DYNC2LI1: variants seen among roughly 807,000 people sequenced by gnomAD.
DYNC2LI1 encodes the protein cytoplasmic dynein 2 light intermediate chain 1.
In DYNC2LI1, 45 loss-of-function variants were observed where a neutral mutation model predicts 51.9. The observed-to-expected ratio is 0.87, with a 90% CI of 0.68 to 1.11. DYNC2LI1 has a LOEUF of 1.11. DYNC2LI1 is among the 50% of genes most tolerant of loss of function. The pLI is 0.00. For missense variants in DYNC2LI1, 490 were observed against 417.4 expected (o/e 1.17, Z -1.51); for synonymous variants, 130 against 137.8 (o/e 0.94, Z 0.40).
chr2:43,817,637 C>T, the DYNC2LI1 span, among the ~76,000 whole-genome samples: 70 of 151,078 alleles, frequency 4.6e-4, no homozygotes, highest in Middle Eastern at 3.3e-3. Context: ...AGGCCAGACG[C>T]GGTGGCTCAC....
intron 2 of DYNC2LI1, among the ~76,000 whole-genome samples, chr2:43,781,089 A>G (rs80212642): frequency 0.047 from 7,216 of 152,246 alleles, 327 homozygotes; most frequent in African/African-American, 0.11. Context: ...ATTTAAGGCC[A>G]GGCGTGGTGG....
Position 43,795,972 on chromosome 2 carries a change from C to T in DYNC2LI1, c.576+14C>T. On this transcript the variant is annotated intron_variant, in intron 7 of 12. Coordinates refer to ENST00000260605, the MANE Select transcript of DYNC2LI1 (RefSeq NM_016008.4). ...GATGTTTTTCAGGTAAGCTCTTCCG[C>T]TTCTAGCTGAGTTTGTTGTACATAT... 1.2e-6 allele frequency: 2 copies of T among 1,603,728 alleles called. No homozygotes were observed. Among genetic ancestry groups the T allele is most frequent in the Non-Finnish European group, 1.7e-6 (2 of 1,170,934 alleles).
At chr2:43,824,079 C>G in the DYNC2LI1 span, 2 of 1,614,112 alleles carry the variant, frequency 1.2e-6, no homozygotes, top group Non-Finnish European at 1.7e-6. Flanking sequence ...GACGCGTAAT[C>G]ACTGCCAGCT....
At chr2:43,822,898 C>T in the DYNC2LI1 span, 1 of 1,614,100 alleles carries the variant, frequency 6.2e-7, no homozygotes, top group Non-Finnish European at 8.5e-7. Flanking sequence ...AGAGGCCGTC[C>T]TGACTCTCCT....
At chr2:43,781,039 A>G (rs1673255399) in intron 2 of DYNC2LI1, among the ~76,000 whole-genome samples, 3 of 152,176 alleles carry the variant, frequency 2.0e-5, no homozygotes, top group African/African-American at 4.8e-5. Context: ...AATTGTTACC[A>G]TATAGTGCTA....
the DYNC2LI1 span, chr2:43,826,390 G>T: frequency 6.2e-7 from 1 of 1,613,984 alleles, no homozygotes; most frequent in Non-Finnish European, 8.5e-7. Flanking sequence ...ACCTGAAAAA[G>T]CTCAGAACGG....
chr2:43,813,709 GTTTTTTTT>G (rs1214033245), downstream of DYNC2LI1, among the ~76,000 whole-genome samples: 20 of 34,068 alleles, frequency 5.9e-4, no homozygotes, highest in South Asian at 2.6e-3. Context: ...TTTTTTTTTC[GTTTTTTTT>G]TTTTTTTTTT....
intron 2 of DYNC2LI1, among the ~76,000 whole-genome samples, chr2:43,779,585 TGGA>T (rs1020785147): frequency 1.3e-5 from 2 of 152,238 alleles, no homozygotes; most frequent in African/African-American, 4.8e-5. Context: ...AATGCTGTGG[TGGA>T]AAACAGAGAG....
At chr2:43,805,687 A>G (rs1386166870) in intron 12 of DYNC2LI1, 2 of 152,818 alleles carry the variant, frequency 1.3e-5, no homozygotes, top group Non-Finnish European at 2.9e-5. Context: ...TGCCCAGTTA[A>G]GGACTGAAAG....
chr2:43,776,641 GTT>G, intron 1 of DYNC2LI1, 139 bp from the exon 2 acceptor site: 1 of 541,460 alleles, frequency 1.8e-6, no homozygotes. Context: ...ATCCTCAGAT[GTT>G]TTACCAGATT....
chr2:43,815,675 C>G, the DYNC2LI1 span, among the ~76,000 whole-genome samples: 1 of 151,924 alleles, frequency 6.6e-6, no homozygotes, highest in Non-Finnish European at 1.5e-5. Flanking sequence ...ACAGGTATGC[C>G]AAGGGCTGCA....
chr2:43,796,333 C>CAAA (rs367924644), intron 7 of DYNC2LI1, among the ~76,000 whole-genome samples: 37 of 106,492 alleles, frequency 3.5e-4, no homozygotes, highest in African/African-American at 9.7e-4. Flanking sequence ...ACACTTGTCT[C>CAAA]AAAAAAAAAA....
intron 2 of DYNC2LI1, among the ~76,000 whole-genome samples, chr2:43,778,028 A>AT (rs1348313625): frequency 6.6e-6 from 1 of 152,298 alleles, no homozygotes; most frequent in Admixed American, 6.5e-5. Flanking sequence ...TTTGTTTTTA[A>AT]TTTTTTTATT....
chr2:43,777,529 C>T (rs557505003), intron 2 of DYNC2LI1, among the ~76,000 whole-genome samples: 1 of 152,238 alleles, frequency 6.6e-6, no homozygotes. Flanking sequence ...ACTGGTGACA[C>T]AAAAAGGTCA....
chr2:43,776,403 A>G (rs953259549), intron 1 of DYNC2LI1, among the ~76,000 whole-genome samples: 2 of 152,192 alleles, frequency 1.3e-5, no homozygotes, highest in Admixed American at 6.5e-5. Context: ...TACTTTTCCC[A>G]TCTTCCTAGG....
chr2:43,827,574 T>C, the DYNC2LI1 span, among the ~76,000 whole-genome samples: 1 of 152,168 alleles, frequency 6.6e-6, no homozygotes, highest in East Asian at 1.9e-4. Context: ...ATATACACTT[T>C]TGAGTTTATC....
At chr2:43,809,293 G>A (rs1336585888) in intron 12 of DYNC2LI1, among the ~76,000 whole-genome samples, 1 of 152,058 alleles carries the variant, frequency 6.6e-6, no homozygotes, top group Non-Finnish European at 1.5e-5. Context: ...CACCCAGCCT[G>A]GGTATGTATT....
At chr2:43,796,883 A>T (rs956628839) in intron 8 of DYNC2LI1, 88 bp downstream of exon 8, 6 of 1,031,906 alleles carry the variant, frequency 5.8e-6, no homozygotes, top group Non-Finnish European at 9.0e-6. Context: ...CGAGGAATAA[A>T]TGCTTTTGCT....
chr2:43,777,781 C>A (rs911891924), intron 2 of DYNC2LI1, among the ~76,000 whole-genome samples: 6 of 152,218 alleles, frequency 3.9e-5, no homozygotes, highest in Non-Finnish European at 8.8e-5. Context: ...CCTCTCTGCA[C>A]AACCGGACAC....
Sources: allele counts gnomAD v4.1 joint callset (sites outside exome capture counted in the v4.1 genomes callset), GRCh38; gene constraint gnomAD v4.1.1; transcripts MANE v1.5; gene names NCBI Gene and HGNC (gene_info 2026-07-23, HGNC 2026-07-21).